The following NPIPB2 variants were observed in gnomAD, a reference collection of about 807,000 sequenced individuals.
The protein encoded by NPIPB2 is nuclear pore complex interacting protein family member B2, also known as nuclear pore complex-interacting protein family member B2.
A neutral mutation model predicts 30.8 loss-of-function variants in NPIPB2; 27 were observed. That is an observed-to-expected ratio of 0.88 (90% CI 0.65 to 1.21). The LOEUF (loss-of-function observed/expected upper bound fraction) is 1.21. NPIPB2 is among the 50% of genes most tolerant of loss of function. NPIPB2 has a pLI of 0.00. For missense variants in NPIPB2, 440 were observed against 446.2 expected (o/e 0.99, Z 0.13); for synonymous variants, 147 against 162.0 (o/e 0.91, Z 0.70).
At chr16:11,968,776 A>T (rs1156976668) in intron 1 of NPIPB2, 1 of 151,824 alleles carries the variant, frequency 6.6e-6, no homozygotes, top group African/African-American at 2.4e-5. Context: ...GAACATGCTG[A>T]CATGACAATC....
At chr16:11,946,385 C>CA (rs34318693), upstream of NPIPB2, among the ~76,000 whole-genome samples, 3,875 of 69,918 alleles carry the variant, frequency 0.055, 148 homozygotes, top group African/African-American at 0.15. Flanking sequence ...AACTCTATCT[C>CA]AAAAAAAAAA....
At chr16:11,942,666 C>T (rs2054955656), upstream of NPIPB2, among the ~76,000 whole-genome samples, 1 of 152,026 alleles carries the variant, frequency 6.6e-6, no homozygotes. Context: ...TCATCAGCTT[C>T]TCTCCTAAGG....
chr16:11,961,265 G>A (rs2055150822), intron 1 of NPIPB2, among the ~76,000 whole-genome samples: 1 of 152,102 alleles, frequency 6.6e-6, no homozygotes, highest in Non-Finnish European at 1.5e-5. Context: ...CTGAGGGAGT[G>A]GAGCCTCCTG....
chr16:11,934,806 C>A (rs1364527574), intron 2 of NPIPB2, among the ~76,000 whole-genome samples: 2 of 140,566 alleles, frequency 1.4e-5, no homozygotes, highest in Non-Finnish European at 3.1e-5. Context: ...TTGCAGTGAG[C>A]CAAGATCCCA....
chr16:11,954,289 C>T (rs1466938450), intron 1 of NPIPB2, among the ~76,000 whole-genome samples: 1 of 151,716 alleles, frequency 6.6e-6, no homozygotes, highest in Non-Finnish European at 1.5e-5. Context: ...AAGTTTGAGA[C>T]CAGCCTGGGC....
upstream of NPIPB2, among the ~76,000 whole-genome samples, chr16:11,946,406 AAAG>A (rs2055010601): frequency 6.6e-6 from 1 of 151,196 alleles, no homozygotes; most frequent in Non-Finnish European, 1.5e-5. Flanking sequence ...AAAAAAAAAA[AAAG>A]GTAAAAAATT....
chr16:11,974,049 T>C (rs777047553), intron 1 of NPIPB2, among the ~76,000 whole-genome samples: 37 of 152,188 alleles, frequency 2.4e-4, no homozygotes, highest in Non-Finnish European at 2.9e-4. Flanking sequence ...AAAATTGTTA[T>C]TTTTGGTGGG....
intron 1 of NPIPB2, among the ~76,000 whole-genome samples, chr16:11,960,655 G>A (rs776663768): frequency 6.6e-6 from 1 of 151,878 alleles, no homozygotes; most frequent in Non-Finnish European, 1.5e-5. Flanking sequence ...ATGGCGCCTG[G>A]CCTCAGGCAT....
chr16:11,962,649 C>T (rs1024385190), intron 1 of NPIPB2, among the ~76,000 whole-genome samples: 2 of 150,272 alleles, frequency 1.3e-5, no homozygotes, highest in Non-Finnish European at 3.0e-5. Flanking sequence ...AAGAGGAAGA[C>T]TGACAGTAAT....
intron 1 of NPIPB2, chr16:11,965,422 C>T: frequency 6.2e-7 from 1 of 1,614,126 alleles, no homozygotes; most frequent in Non-Finnish European, 8.5e-7. Flanking sequence ...TCTAATACTC[C>T]TCCTCTAACA....
At chr16:11,961,128 G>A (rs1191835043) in intron 1 of NPIPB2, among the ~76,000 whole-genome samples, 2 of 152,240 alleles carry the variant, frequency 1.3e-5, no homozygotes, top group Non-Finnish European at 1.5e-5. Context: ...CTCCCAAAGT[G>A]CTGGGATTAC....
rs540537324 is a variant in NPIPB2 at position 11,938,264 on chromosome 16, C to T, written c.64-596G>A. On this transcript the variant is annotated intron_variant, in intron 1 of 7. Coordinates refer to ENST00000399147, the Ensembl canonical transcript of NPIPB2. ...GAACTCCTGACAGGTGATCTGCCTG[C>T]CTCAGCCTCCCAAAGTGCTGGGATT... Among the ~76,000 whole-genome samples, 5 of 152,356 alleles carry T rather than the reference C, an allele frequency of 3.3e-5. No homozygotes were observed. In the East Asian group the frequency reaches 9.6e-4, roughly 29 times the overall value.
intron 1 of NPIPB2, among the ~76,000 whole-genome samples, chr16:11,951,205 C>T (rs2055058006): frequency 6.6e-6 from 1 of 151,700 alleles, no homozygotes; most frequent in Non-Finnish European, 1.5e-5. Flanking sequence ...GCCTGTAATC[C>T]CAGCACTTTG....
At chr16:11,947,531 A>G (rs1385444558) in intron 1 of NPIPB2, among the ~76,000 whole-genome samples, 1 of 151,452 alleles carries the variant, frequency 6.6e-6, no homozygotes, top group Non-Finnish European at 1.5e-5. Context: ...CTTTTAGTAG[A>G]GACGGGGTTT....
In NPIPB2 at chr16:11,927,664, G is replaced by C. The variant is rs778023847; in HGVS notation, c.903C>G (p.Pro301=). 2.2e-5 allele frequency: 33 copies of C among 1,494,802 alleles called. No homozygotes were observed. In the South Asian group the frequency reaches 3.8e-4, roughly 17 times the overall value. 92.6% of individuals were successfully genotyped at this position (1,494,802 alleles called of 1,614,324 possible). ...GTGGAAGGGGAGTGAGCAGACACTC[G>C]GGAGGTGTCTTGAGATTATCATCCG... Residue 301 remains proline (P), a synonymous_variant, in exon 8 of 8, where the codon CCC becomes CCG. Coordinates refer to ENST00000399147, the Ensembl canonical transcript of NPIPB2.
intron 1 of NPIPB2, among the ~76,000 whole-genome samples, chr16:11,973,149 A>G (rs1230602479): frequency 6.9e-6 from 1 of 143,928 alleles, no homozygotes; most frequent in African/African-American, 2.6e-5. Flanking sequence ...CTGGGCAACA[A>G]GAGTGAAACT....
At chr16:11,937,583 C>G (rs779042642) in exon 2 of NPIPB2, 3 of 1,599,510 alleles carry the variant, frequency 1.9e-6, no homozygotes, top group South Asian at 2.2e-5. Flanking sequence ...TTTATAACTT[C>G]TCGGAAATGC....
chr16:11,932,441 A>C (rs1306043902), intron 4 of NPIPB2, among the ~76,000 whole-genome samples: 1 of 151,522 alleles, frequency 6.6e-6, no homozygotes, highest in African/African-American at 2.4e-5. Flanking sequence ...CAGGAGTTCA[A>C]GACTAGCCTG....
At chr16:11,951,460 C>CA (rs144775580) in intron 1 of NPIPB2, among the ~76,000 whole-genome samples, 5,170 of 49,774 alleles carry the variant, frequency 0.1, 802 homozygotes, top group African/African-American at 0.14. Flanking sequence ...AAGACTGTCT[C>CA]AAAAAAAAAA....
Sources: gnomAD v4.1 joint callset for allele counts (sites outside exome capture counted in the v4.1 genomes callset) on GRCh38, gnomAD v4.1.1 for gene constraint, MANE v1.5 for transcripts, NCBI Gene and HGNC (gene_info 2026-07-23, HGNC 2026-07-21) for gene names.